Variants in CYP3A43 observed in about 807,000 individuals in gnomAD.
The protein encoded by CYP3A43 is cytochrome P450 family 3 subfamily A member 43.
Under a neutral mutation model 58.0 loss-of-function variants are expected in CYP3A43, and 45 were observed. The observed-to-expected ratio is 0.78, with a 90% CI of 0.61 to 0.99. CYP3A43 has a LOEUF of 0.99. Among genes scored for constraint, CYP3A43 ranks in the 50% least tolerant of loss-of-function variants. CYP3A43 has a pLI of 0.00. For missense variants in CYP3A43, 593 were observed against 591.9 expected (o/e 1.00, Z -0.02); for synonymous variants, 191 against 201.4 (o/e 0.95, Z 0.44).
intron 5 of CYP3A43, chr7:99,847,881 G>A (rs1040451814): frequency 1.2e-5 from 6 of 512,162 alleles, no homozygotes; most frequent in South Asian, 4.2e-5. Context: ...GCATGGTGGC[G>A]GATGCCTATA....
chr7:99,831,188 G>A (rs1816829828), intron 1 of CYP3A43, among the ~76,000 whole-genome samples: 1 of 152,206 alleles, frequency 6.6e-6, no homozygotes, highest in Non-Finnish European at 1.5e-5. Context: ...CCACTGTGGG[G>A]TCCTTCAAAC....
intron 11 of CYP3A43, 82 bp downstream of exon 11, chr7:99,861,921 C>A: frequency 1.7e-6 from 2 of 1,207,454 alleles, no homozygotes; most frequent in Non-Finnish European, 2.3e-6. Flanking sequence ...ACATGGCAAT[C>A]ATTTGAATAT....
chr7:99,848,155 TTG>T lies in CYP3A43; in HGVS notation c.433-7_433-6del. On this transcript the variant is annotated splice_polypyrimidine_tract_variant and intron_variant, in intron 5 of 12. Transcript: ENST00000354829. ...TCTGCGTAGTTAACTATGGGTGGTG[TTG>T]TGTTTTAGATGGTCCCCATCATTTC... 1.2e-6 allele frequency: 2 copies of T among 1,613,774 alleles called. No individual in the cohort carries two copies. The highest frequency in any genetic ancestry group is 1.7e-6 in the Non-Finnish European group (2 of 1,179,782).
intron 2 of CYP3A43, chr7:99,838,769 C>A (rs1460997744): frequency 3.6e-6 from 3 of 844,070 alleles, no homozygotes; most frequent in Non-Finnish European, 5.0e-6. Context: ...CACCTAAGGT[C>A]AGGAGTTCGA....
intron 8 of CYP3A43, 56 bp downstream of exon 8, chr7:99,855,774 C>T: frequency 2.6e-6 from 4 of 1,526,398 alleles, no homozygotes; most frequent in Non-Finnish European, 3.5e-6. Flanking sequence ...TATTTTTGGG[C>T]TGTTTACATA....
chr7:99,844,361 A>C (rs929283249), intron 4 of CYP3A43, 119 bp downstream of exon 4: 1 of 884,282 alleles, frequency 1.1e-6, no homozygotes, highest in Admixed American at 2.5e-5. Context: ...TATTTCCCCC[A>C]ATGGTGATGT....
intron 2 of CYP3A43, among the ~76,000 whole-genome samples, chr7:99,836,802 A>C (rs1177312152): frequency 2.6e-5 from 4 of 152,226 alleles, no homozygotes; most frequent in Non-Finnish European, 5.9e-5. Flanking sequence ...CTTGATGTTC[A>C]GACTTTGCGA....
At chr7:99,850,473 G>GA (rs1199151163) in intron 7 of CYP3A43, among the ~76,000 whole-genome samples, 4 of 151,924 alleles carry the variant, frequency 2.6e-5, no homozygotes, top group African/African-American at 7.3e-5. Context: ...TGTTGGCCAG[G>GA]ATGATCTCGA....
chr7:99,843,442 G>T (rs138794804), intron 3 of CYP3A43, among the ~76,000 whole-genome samples: 7 of 152,126 alleles, frequency 4.6e-5, no homozygotes, highest in African/African-American at 1.7e-4. Context: ...AGAAAATAAT[G>T]AAGAGGATTA....
intron 2 of CYP3A43, 37 bp downstream of exon 2, chr7:99,836,583 C>G: frequency 6.9e-7 from 1 of 1,446,082 alleles, no homozygotes; most frequent in East Asian, 2.3e-5. Context: ...TGCTTCTTAT[C>G]GATGCAAACC....
intron 4 of CYP3A43, among the ~76,000 whole-genome samples, chr7:99,846,027 T>A (rs1217962931): frequency 1.3e-5 from 2 of 152,194 alleles, no homozygotes; most frequent in African/African-American, 4.8e-5. Flanking sequence ...TCCACCTGCC[T>A]GGGCCTCCCA....
In CYP3A43 at chr7:99,832,975, A is replaced by C. The variant is rs553589394; in HGVS notation, c.72-3478A>C. 8.5e-5 allele frequency among the ~76,000 whole-genome samples: 13 copies of C among 152,360 alleles called. 1 individual carries two copies. The highest frequency in any genetic ancestry group is 2.0e-4 in the Admixed American group (3 of 15,300). ...AAGAGAATTTCCAAATCAGGAAAGA[A>C]TCAATTAACTAAATAGACATACGTG... On this transcript the variant is annotated intron_variant, in intron 1 of 12. Coordinates refer to ENST00000354829, the MANE Select transcript of CYP3A43 (RefSeq NM_057095.3).
At chr7:99,862,921 A>G (rs1012788982) in intron 11 of CYP3A43, among the ~76,000 whole-genome samples, 1 of 152,210 alleles carries the variant, frequency 6.6e-6, no homozygotes, top group Non-Finnish European at 1.5e-5. Flanking sequence ...ACACAAAATC[A>G]GAGACCACTC....
At chr7:99,863,734 G>GA (rs1456497339) in intron 12 of CYP3A43, 35 bp downstream of exon 12, 1 of 1,467,162 alleles carries the variant, frequency 6.8e-7, no homozygotes, top group African/African-American at 1.4e-5. Flanking sequence ...TGTTTATTGG[G>GA]AGTTTTTTAA....
At chr7:99,865,719 T>C (rs62474460) in intron 12 of CYP3A43, among the ~76,000 whole-genome samples, 187 bp from the exon 13 acceptor site, 4,579 of 148,854 alleles carry the variant, frequency 0.031, 152 homozygotes, top group Non-Finnish European at 0.045. Flanking sequence ...GAATGGTAAA[T>C]GCTTTCACTA....
At position 99,861,807 on chromosome 7, in the gene CYP3A43, C is replaced by T; in HGVS notation, c.1221C>T (p.Tyr407=). The change falls in exon 11 of 13, where the codon TAC becomes TAT. Residue 407 remains tyrosine (Y), a synonymous_variant. Transcript: ENST00000354829. ...PIYALHHDPK[Y]WTEPEKFCPE... The stretch of plus-strand genomic sequence containing the variant: ...ATGCTCTTCACCATGACCCAAAGTA[C>T]TGGACAGAGCCTGAGAAGTTCTGCC... The T allele has an allele frequency of 6.2e-7, 1 of 1,614,140 alleles. No individual in the cohort carries two copies. Among genetic ancestry groups the T allele is most frequent in the Non-Finnish European group, 8.5e-7 (1 of 1,179,962 alleles).
At chr7:99,845,844 C>T (rs1434296826) in intron 4 of CYP3A43, among the ~76,000 whole-genome samples, 4 of 151,366 alleles carry the variant, frequency 2.6e-5, no homozygotes, top group Admixed American at 6.6e-5. Context: ...GGCATGATCT[C>T]GGCTCACTCT....
intron 3 of CYP3A43, chr7:99,839,479 C>T (rs1322621991): frequency 3.5e-6 from 2 of 563,738 alleles, no homozygotes; most frequent in Admixed American, 2.2e-5. Flanking sequence ...TACTGCCTTC[C>T]TTTTTTCCCC....
At chr7:99,828,655 C>T (rs755606560) in intron 1 of CYP3A43, among the ~76,000 whole-genome samples, 4 of 151,046 alleles carry the variant, frequency 2.6e-5, no homozygotes, top group East Asian at 1.9e-4. Context: ...AGCAAGACTC[C>T]GTCTCAAAAA....
Sources: gnomAD v4.1 joint callset for allele counts (sites outside exome capture counted in the v4.1 genomes callset) on GRCh38, gnomAD v4.1.1 for gene constraint, MANE v1.5 for transcripts, NCBI Gene and HGNC (gene_info 2026-07-23, HGNC 2026-07-21) for gene names.